Variants in DYNC1H1 observed in about 807,000 individuals in gnomAD.
DYNC1H1 encodes dynein cytoplasmic 1 heavy chain 1.
In DYNC1H1, 51 loss-of-function variants were observed where a neutral mutation model predicts 527.1. The ratio of observed to expected loss-of-function variants is 0.10; its 90% CI spans 0.08 to 0.12. The LOEUF (loss-of-function observed/expected upper bound fraction) is 0.12. DYNC1H1 is among the 10% of genes least tolerant of loss of function. DYNC1H1 has a pLI of 1.00. For missense variants in DYNC1H1, 2,771 were observed against 5,971.8 expected (o/e 0.46, Z 17.66); for synonymous variants, 2,189 against 2,278.8 (o/e 0.96, Z 1.12).
chr14:102,008,006 G>A (rs1483650216), intron 28 of DYNC1H1, among the ~76,000 whole-genome samples, 172 bp from the exon 29 acceptor site: 2 of 152,146 alleles, frequency 1.3e-5, no homozygotes, highest in Admixed American at 6.5e-5. Context: ...GTGGATCAGC[G>A]GCCCCAACCC....
chr14:101,969,868 A>G (rs978619824), intron 1 of DYNC1H1, among the ~76,000 whole-genome samples: 1 of 152,248 alleles, frequency 6.6e-6, no homozygotes, highest in Non-Finnish European at 1.5e-5. Context: ...GCATCGGAGC[A>G]TGTCAGATTG....
intron 4 of DYNC1H1, 148 bp downstream of exon 4, chr14:101,980,122 T>C: frequency 7.5e-7 from 1 of 1,327,732 alleles, no homozygotes; most frequent in Non-Finnish European, 1.0e-6. Context: ...AGTGCAGGAC[T>C]AGCCTTGGTC....
At chr14:102,037,506 G>A (rs2152594261) in intron 57 of DYNC1H1, 1 of 151,924 alleles carries the variant, frequency 6.6e-6, no homozygotes, top group South Asian at 2.1e-4. Context: ...CATGGATGGA[G>A]CTGGAGGCCA....
chr14:102,006,134 C>G lies in DYNC1H1; in HGVS notation c.5680C>G (p.Gln1894Glu). Residue 1894 changes from glutamine to glutamate, a missense_variant, in exon 27 of 78, where the codon CAA (glutamine) becomes GAA (glutamate). Gln to Glu is a conservative substitution (Grantham distance 29). Around this residue, in one of 32 missense-constraint regions of DYNC1H1, gnomAD observed 64 missense variants for 143.4 expected, o/e 0.45. Coordinates refer to ENST00000360184, the MANE Select transcript of DYNC1H1 (RefSeq NM_001376.5). The part of the protein sequence containing the change: ...LTDRCYLTMT[Q>E]ALEARLGGSP... ...TGACCGCTGCTATTTGACAATGACA[C>G]AAGCCTTGGAGGCCAGGCTGGGGGG... 1 of 1,614,200 alleles carries G rather than the reference C, an allele frequency of 6.2e-7. No individual in the cohort carries two copies. The highest frequency in any genetic ancestry group is 8.5e-7 in the Non-Finnish European group (1 of 1,180,038).
At position 102,005,029 on chromosome 14, in the gene DYNC1H1, C is replaced by A. The variant is rs373351097; in HGVS notation, c.5239-13C>A. The A allele has an allele frequency of 5.2e-5, 84 of 1,614,190 alleles. No homozygotes were observed. In the African/African-American group the frequency reaches 9.5e-4, roughly 18 times the overall value. ...AAAATGATCCTTTGGGATCTTGTTT[C>A]TGTGTCTTTCAGGCCCAGCTTGTGG... is the stretch of plus-strand genomic sequence containing the variant. On this transcript the variant is annotated splice_polypyrimidine_tract_variant and intron_variant, in intron 25 of 77. Coordinates refer to ENST00000360184, the MANE Select transcript of DYNC1H1 (RefSeq NM_001376.5). This position sits in a 1 kb window ranked among gnomAD's most constrained non-coding sequence, Gnocchi z 4.0.
At chr14:101,980,594 G>C in intron 5 of DYNC1H1, 44 bp downstream of exon 5, 2 of 1,600,984 alleles carry the variant, frequency 1.2e-6, no homozygotes, top group East Asian at 2.2e-5. Flanking sequence ...TTATTGATCT[G>C]GCTTTTACGA....
At chr14:102,019,865 G>T in intron 41 of DYNC1H1, 28 bp from the exon 42 acceptor site, 2 of 1,613,932 alleles carry the variant, frequency 1.2e-6, no homozygotes, top group Non-Finnish European at 1.7e-6. Context: ...ATATTTACGT[G>T]TACCTTCCAT....
In DYNC1H1 at chr14:102,010,400, G is replaced by C; in HGVS notation, c.6346G>C (p.Glu2116Gln). The C allele has an allele frequency of 6.2e-7, 1 of 1,614,182 alleles. No homozygotes were observed. The highest frequency in any genetic ancestry group is 8.5e-7 in the Non-Finnish European group (1 of 1,180,030). ...AATCCAGAAGATAAAGAGGGAGAAA[G>C]AGGAACGAGGGGAAGCAGTTGATGA... ...ERIQKIKREK[E>Q]ERGEAVDEGE... The change falls in exon 31 of 78, where the codon GAG becomes CAG. Residue 2116 changes from glutamate to glutamine, a missense_variant. Glu to Gln is a conservative substitution (Grantham distance 29). This residue lies in a region of DYNC1H1 where 56 missense variants were observed against 140.6 expected (regional missense o/e 0.40). Transcript: ENST00000360184. The surrounding 1 kb of genome is among the most constrained non-coding windows in gnomAD (Gnocchi z 6.0).
Position 102,022,737 on chromosome 14 carries a change from T to C in DYNC1H1, c.8508-14T>C. On this transcript the variant is annotated splice_polypyrimidine_tract_variant and intron_variant, in intron 42 of 77. Transcript: ENST00000360184. ...CCTCTAGTTACCTAAATGCACATGC[T>C]GCTCTCCCCACAGACTCGTAGAGGA... 6.2e-7 allele frequency: 1 copy of C among 1,614,044 alleles called. No homozygotes were observed. The highest frequency in any genetic ancestry group is 8.5e-7 in the Non-Finnish European group (1 of 1,179,966).
chr14:102,021,652 TTTTC>T (rs932559275), intron 42 of DYNC1H1, among the ~76,000 whole-genome samples: 2 of 145,962 alleles, frequency 1.4e-5, no homozygotes, highest in Non-Finnish European at 3.0e-5. Flanking sequence ...TCTTTTTTCT[TTTTC>T]TTTTTTTTTT....
intron 16 of DYNC1H1, among the ~76,000 whole-genome samples, chr14:101,999,736 A>G (rs147878514): frequency 6.6e-6 from 1 of 152,326 alleles, no homozygotes; most frequent in African/African-American, 2.4e-5. Context: ...AGGGTACTGA[A>G]TAAGACAATG....
intron 1 of DYNC1H1, among the ~76,000 whole-genome samples, chr14:101,974,409 A>G (rs996596641): frequency 1.3e-5 from 2 of 152,030 alleles, no homozygotes; most frequent in Admixed American, 6.6e-5. Flanking sequence ...TTCCCTTTCT[A>G]TTACATCATG....
At chr14:102,043,795 TTGAC>T (rs2048681488) in intron 69 of DYNC1H1, 76 bp from the exon 70 acceptor site, 4 of 1,601,934 alleles carry the variant, frequency 2.5e-6, no homozygotes, top group African/African-American at 1.3e-5. Context: ...TTGTAAAGCT[TTGAC>T]TGACCTGGCA....
chr14:101,986,951 G>A lies in DYNC1H1; in HGVS notation c.2538+188G>A, dbSNP rs1428289226. 2.0e-5 allele frequency among the ~76,000 whole-genome samples: 3 copies of A among 152,210 alleles called. No individual in the cohort carries two copies. The highest frequency in any genetic ancestry group is 7.2e-5 in the African/African-American group (3 of 41,446). ...TTTAATGGTGCTGGGTTTTAGGGAG[G>A]CCATTAAGTAACAACCTGAGTTTAG... is the stretch of plus-strand genomic sequence containing the variant. On this transcript the variant is annotated intron_variant, in intron 8 of 77. Transcript: ENST00000360184. The surrounding 1 kb of genome is among the most constrained non-coding windows in gnomAD (Gnocchi z 8.7).
chr14:101,996,135 C>CT (rs537429528), intron 15 of DYNC1H1, among the ~76,000 whole-genome samples: 147 of 142,498 alleles, frequency 1.0e-3, no homozygotes, highest in Middle Eastern at 7.4e-3. Context: ...CTTTTCTTTT[C>CT]TTTTTTTTTT....
At chr14:101,968,244 C>T (rs972544526) in intron 1 of DYNC1H1, among the ~76,000 whole-genome samples, 3 of 151,924 alleles carry the variant, frequency 2.0e-5, no homozygotes, top group African/African-American at 4.8e-5. Flanking sequence ...TGGATGAGAG[C>T]GTGTAGTTTG....
chr14:102,038,037 G>A lies in DYNC1H1; in HGVS notation c.10909-423G>A, dbSNP rs1030778125. The A allele has an allele frequency of 3.0e-5, 9 of 301,364 alleles. No individual in the cohort carries two copies. The highest frequency in any genetic ancestry group is 5.8e-5 in the Non-Finnish European group (9 of 154,876). The allele number at this position is 301,364 out of a possible 1,614,324, so 18.7% of individuals were successfully genotyped here. A position where few individuals can be genotyped will look rare whatever the true frequency, so the allele number is the denominator to read the frequency against. On this transcript the variant is annotated intron_variant, in intron 57 of 77. Coordinates refer to ENST00000360184, the MANE Select transcript of DYNC1H1 (RefSeq NM_001376.5). The surrounding 1 kb of genome is among the most constrained non-coding windows in gnomAD (Gnocchi z 7.2). The stretch of plus-strand genomic sequence containing the variant: ...AATTTTTTATTTTATGTTTTTTTGA[G>A]ACAGAGTGTTGCTCTGTCCCCCAGT...
At chr14:102,037,964 G>A (rs1379210459) in intron 57 of DYNC1H1, 5 of 281,808 alleles carry the variant, frequency 1.8e-5, no homozygotes, top group Non-Finnish European at 3.4e-5. Context: ...CTAGCCTTGG[G>A]GGCTACTGAG....
At chr14:102,022,148 TA>T (rs2048391737) in intron 42 of DYNC1H1, among the ~76,000 whole-genome samples, 1 of 150,568 alleles carries the variant, frequency 6.6e-6, no homozygotes, top group Non-Finnish European at 1.5e-5. Context: ...AGTAAGTAAG[TA>T]AGATCGCGCC....
Sources: allele counts gnomAD v4.1 joint callset (sites outside exome capture counted in the v4.1 genomes callset), GRCh38; gene constraint gnomAD v4.1.1; regional missense constraint gnomAD v4.1.1; non-coding constraint Gnocchi (gnomAD v3.1); transcripts MANE v1.5; gene names NCBI Gene and HGNC (gene_info 2026-07-23, HGNC 2026-07-21).